The following TTC39B variants were observed in gnomAD, a reference collection of about 807,000 sequenced individuals.
The protein encoded by TTC39B is tetratricopeptide repeat protein 39B.
In TTC39B, 92 loss-of-function variants were observed where a neutral mutation model predicts 96.6. The observed-to-expected ratio is 0.95, with a 90% CI of 0.80 to 1.13. The LOEUF (loss-of-function observed/expected upper bound fraction) is 1.13, where lower values mean the gene tolerates loss of function less well. Ranked by LOEUF, TTC39B falls within the 50% of genes most tolerant of loss-of-function variation. The pLI is 0.00. For synonymous variants in TTC39B, 367 were observed against 299.4 expected (o/e 1.23, Z -2.33); for missense variants, 955 against 809.3 (o/e 1.18, Z -2.18).
chr9:15,228,399 G>C (rs544851990), intron 2 of TTC39B, among the ~76,000 whole-genome samples: 2 of 152,284 alleles, frequency 1.3e-5, no homozygotes, highest in South Asian at 4.1e-4. Context: ...GGGAGGCGGA[G>C]GTTGCAGTGA....
exon 20 of TTC39B, chr9:15,169,651 C>G (rs1267303741): frequency 2.6e-5 from 4 of 152,038 alleles, no homozygotes; most frequent in Admixed American, 6.5e-5. Context: ...TTGAACATAG[C>G]AGGAAACATA....
At chr9:15,172,627 A>G (rs1417054692) in intron 19 of TTC39B, among the ~76,000 whole-genome samples, 1 of 152,162 alleles carries the variant, frequency 6.6e-6, no homozygotes, top group African/African-American at 2.4e-5. Context: ...ATAATTACAT[A>G]AGAATTAGGC....
intron 2 of TTC39B, among the ~76,000 whole-genome samples, chr9:15,229,139 T>C (rs747212814): frequency 2.6e-5 from 4 of 152,252 alleles, no homozygotes; most frequent in Non-Finnish European, 5.9e-5. Context: ...TAAGAAATGC[T>C]TCAAATACAT....
At chr9:15,165,750 A>G (rs1016318971) in exon 20 of TTC39B, 2 of 152,218 alleles carry the variant, frequency 1.3e-5, no homozygotes, top group African/African-American at 4.8e-5. Flanking sequence ...CACTATCATG[A>G]GAATAGCATG....
intron 2 of TTC39B, among the ~76,000 whole-genome samples, chr9:15,259,748 A>C (rs559996591): frequency 1.8e-4 from 27 of 152,316 alleles, no homozygotes; most frequent in African/African-American, 6.5e-4. Flanking sequence ...ATTTATGATG[A>C]AGTTATCAGG....
chr9:15,279,685 T>C (rs1056575487), intron 1 of TTC39B, among the ~76,000 whole-genome samples: 2 of 152,128 alleles, frequency 1.3e-5, no homozygotes, highest in African/African-American at 4.8e-5. Flanking sequence ...TGAGTGGCAC[T>C]GTGTGCTGCA....
In TTC39B at chr9:15,172,123, C is replaced by G; in HGVS notation, c.1959-14G>C. The G allele has an allele frequency of 6.2e-7, 1 of 1,600,800 alleles. No individual in the cohort carries two copies. The highest frequency in any genetic ancestry group is 8.5e-7 in the Non-Finnish European group (1 of 1,170,156). On this transcript the variant is annotated splice_polypyrimidine_tract_variant and intron_variant, in intron 19 of 19. Transcript: ENST00000512701. ...TTGTAGTTGTTCCTGAAGACAATAA[C>G]AATAAAATTGTACAGTCAAAATTTC...
chr9:15,223,767 A>T (rs1043176339), intron 3 of TTC39B, among the ~76,000 whole-genome samples: 3 of 152,104 alleles, frequency 2.0e-5, no homozygotes, highest in African/African-American at 7.2e-5. Context: ...GTACAGGTTG[A>T]GCATCCCTAA....
intron 2 of TTC39B, among the ~76,000 whole-genome samples, chr9:15,261,572 A>G (rs1822946954): frequency 6.6e-6 from 1 of 152,066 alleles, no homozygotes; most frequent in African/African-American, 2.4e-5. Context: ...ACCCAACTTC[A>G]TTTGTGTCCA....
intron 6 of TTC39B, among the ~76,000 whole-genome samples, chr9:15,205,517 C>T (rs923501821): frequency 6.6e-6 from 1 of 152,172 alleles, no homozygotes; most frequent in Non-Finnish European, 1.5e-5. Context: ...CAACAGTACA[C>T]AGAAAGATGG....
intron 2 of TTC39B, among the ~76,000 whole-genome samples, chr9:15,240,668 T>C (rs1586942756): frequency 1.3e-5 from 2 of 152,224 alleles, no homozygotes; most frequent in Admixed American, 6.5e-5. Flanking sequence ...TAACTCAAAA[T>C]AGTTATCTAA....
intron 16 of TTC39B, among the ~76,000 whole-genome samples, chr9:15,183,066 T>C (rs1490624800): frequency 4.6e-5 from 7 of 152,202 alleles, no homozygotes; most frequent in Admixed American, 3.9e-4. Context: ...TTTTCTAATG[T>C]TCCTGATAGT....
chr9:15,285,058 G>C (rs1324067164), intron 1 of TTC39B, among the ~76,000 whole-genome samples: 1 of 152,080 alleles, frequency 6.6e-6, no homozygotes, highest in South Asian at 2.1e-4. Flanking sequence ...TCAGGAAATC[G>C]AGACCATCCT....
At chr9:15,168,356 C>T (rs191679157) in exon 20 of TTC39B, 3 of 144,926 alleles carry the variant, frequency 2.1e-5, no homozygotes, top group East Asian at 4.2e-4. Flanking sequence ...CTGGAGTCTT[C>T]GTCAACTCAT....
intron 5 of TTC39B, 73 bp from the exon 6 acceptor site, chr9:15,210,237 G>T: frequency 1.0e-6 from 1 of 992,994 alleles, no homozygotes; most frequent in Non-Finnish European, 1.5e-6. Flanking sequence ...TTCATTTGAC[G>T]TTCATTTCAG....
chr9:15,198,486 A>ATT, intron 8 of TTC39B, among the ~76,000 whole-genome samples: 1 of 142,920 alleles, frequency 7.0e-6, no homozygotes, highest in East Asian at 2.0e-4. Context: ...ATATATATAT[A>ATT]TCATAAAGGG....
chr9:15,214,621 G>T (rs1237859043), intron 3 of TTC39B, among the ~76,000 whole-genome samples: 1 of 152,104 alleles, frequency 6.6e-6, no homozygotes, highest in Non-Finnish European at 1.5e-5. Context: ...CCCGACCGTG[G>T]AATAAGTTAG....
chr9:15,190,286 T>C (rs1039515391), intron 11 of TTC39B, among the ~76,000 whole-genome samples: 3 of 152,236 alleles, frequency 2.0e-5, no homozygotes, highest in Non-Finnish European at 4.4e-5. Flanking sequence ...CTTGCTGATC[T>C]TTCTAAATTT....
chr9:15,245,906 T>G (rs1822251875), intron 2 of TTC39B, among the ~76,000 whole-genome samples: 1 of 152,194 alleles, frequency 6.6e-6, no homozygotes, highest in Non-Finnish European at 1.5e-5. Context: ...TAAATTTCTC[T>G]GGCTAAGTCA....
Sources: gnomAD v4.1 joint callset for allele counts (sites outside exome capture counted in the v4.1 genomes callset) on GRCh38, gnomAD v4.1.1 for gene constraint, MANE v1.5 for transcripts, NCBI Gene and HGNC (gene_info 2026-07-23, HGNC 2026-07-21) for gene names.